RAB8B: variants seen among roughly 807,000 people sequenced by gnomAD.
RAB8B encodes the protein RAB8B, member RAS oncogene family.
Under a neutral mutation model 32.0 loss-of-function variants are expected in RAB8B, and 11 were observed. The ratio of observed to expected loss-of-function variants is 0.34; its 90% CI spans 0.22 to 0.57. The LOEUF (loss-of-function observed/expected upper bound fraction) is 0.57. Among genes scored for constraint, RAB8B ranks in the 20% least tolerant of loss-of-function variants. RAB8B has a pLI of 0.86. For missense variants in RAB8B, 190 were observed against 258.5 expected, an observed-to-expected ratio of 0.73 and a Z score of 1.82; for synonymous variants, 103 against 89.6, an observed-to-expected ratio of 1.15 and a Z score of -0.85.
rs778733798 is a variant in RAB8B at position 63,189,655 on chromosome 15, C to T, written c.31C>T (p.Leu11Phe). The T allele has an allele frequency of 6.2e-7, 1 of 1,614,024 alleles. No individual in the cohort carries two copies. The highest frequency in any genetic ancestry group is 8.5e-7 in the Non-Finnish European group (1 of 1,179,928). The change falls in exon 1 of 8, where the codon CTC (leucine) becomes TTC (phenylalanine). Residue 11 changes from leucine (L) to phenylalanine (F), a missense_variant. By Grantham distance (22) the Leu-to-Phe change is conservative. Coordinates refer to ENST00000321437, the MANE Select transcript of RAB8B (RefSeq NM_016530.3). Reference sequence around the variant, plus strand: ...GAAGACGTACGATTATCTCTTCAAGCTCCTGCTGATCGGCGACTCGGGGGT... The same window carrying T: ...GAAGACGTACGATTATCTCTTCAAGTTCCTGCTGATCGGCGACTCGGGGGT... MAKTYDYLFK[L>F]LLIGDSGVGK...
At chr15:63,222,005 A>G (rs2037848791) in intron 1 of RAB8B, among the ~76,000 whole-genome samples, 1 of 152,100 alleles carries the variant, frequency 6.6e-6, no homozygotes, top group South Asian at 2.1e-4. Flanking sequence ...TCTAATATTC[A>G]TTCTTCCCTG....
At chr15:63,198,845 C>T (rs1190127323) in intron 1 of RAB8B, among the ~76,000 whole-genome samples, 1 of 152,174 alleles carries the variant, frequency 6.6e-6, no homozygotes, top group African/African-American at 2.4e-5. Context: ...ATGGATATTG[C>T]AGCATACTCT....
chr15:63,219,427 A>G (rs1242328601), intron 1 of RAB8B, among the ~76,000 whole-genome samples: 1 of 151,600 alleles, frequency 6.6e-6, no homozygotes, highest in African/African-American at 2.4e-5. Flanking sequence ...TCATGAAGTC[A>G]ATTTACTGTG....
rs915370697 is a variant in RAB8B, at chr15:63,196,520, T to C, written c.124+6772T>C. Among the ~76,000 whole-genome samples the C allele has an allele frequency of 2.6e-5, 4 of 152,322 alleles. No homozygotes were observed. The Middle Eastern group carries it at 0.01, about 389-fold the overall frequency. On this transcript the variant is annotated intron_variant, in intron 1 of 7. Coordinates refer to ENST00000321437, the MANE Select transcript of RAB8B (RefSeq NM_016530.3). Reference sequence around the variant, plus strand: ...GAGTGTAAGAATACTGTGTCTACCTTTCAGAGTTGCTGTGAGCTCCTTAAG... The same window carrying C: ...GAGTGTAAGAATACTGTGTCTACCTCTCAGAGTTGCTGTGAGCTCCTTAAG...
At position 63,255,516 on chromosome 15, in the gene RAB8B, C is replaced by A; in HGVS notation, c.256C>A (p.Leu86Met). The change falls in exon 4 of 8, where the codon CTG (leucine) becomes ATG (methionine). Residue 86 changes from leucine (L) to methionine (M), a missense_variant. Leu to Met is a conservative substitution (Grantham distance 15, BLOSUM62 2). Transcript: ENST00000321437. ...TTTTTCCCCCTTATAGGGCATTATG[C>A]TGGTCTATGACATCACAAATGAAAA... Reference protein sequence around the residue: ...AYYRGAMGIMLVYDITNEKSF... With the variant: ...AYYRGAMGIMMVYDITNEKSF... 6.3e-7 allele frequency: 1 copy of A among 1,598,516 alleles called. No homozygotes were observed. Among genetic ancestry groups the A allele is most frequent in the Non-Finnish European group, 8.6e-7 (1 of 1,166,358 alleles).
chr15:63,222,217 C>G (rs2037850300), intron 1 of RAB8B, among the ~76,000 whole-genome samples: 1 of 152,166 alleles, frequency 6.6e-6, no homozygotes, highest in Non-Finnish European at 1.5e-5. Context: ...TGGTTCTTGT[C>G]CAGTGACTCT....
intron 1 of RAB8B, among the ~76,000 whole-genome samples, chr15:63,237,793 G>A (rs1286651197): frequency 6.6e-6 from 1 of 152,086 alleles, no homozygotes; most frequent in Non-Finnish European, 1.5e-5. Context: ...GGGTATTACT[G>A]TAGAAATATT....
Position 63,265,116 on chromosome 15 carries a change from A to C in RAB8B, c.*1497A>C, listed in dbSNP as rs1302058838. The C allele has an allele frequency of 6.5e-6, 1 of 152,672 alleles. No individual in the cohort carries two copies. Among genetic ancestry groups the C allele is most frequent in the Non-Finnish European group, 1.5e-5 (1 of 68,058 alleles). 9.5% of individuals were successfully genotyped at this position (152,672 alleles called of 1,614,324 possible). On this transcript the variant is annotated 3_prime_UTR_variant, in exon 8 of 8. Coordinates refer to ENST00000321437, the MANE Select transcript of RAB8B (RefSeq NM_016530.3). The surrounding 1 kb of genome is among the most constrained non-coding windows in gnomAD (Gnocchi z 4.9). ...AGGGAAATGAATTCTGTTAATAATT[A>C]TTCTTCCTGGTATGCCTGTTTTGCT...
chr15:63,223,611 C>G (rs1429077806), intron 1 of RAB8B, among the ~76,000 whole-genome samples: 1 of 152,110 alleles, frequency 6.6e-6, no homozygotes, highest in Non-Finnish European at 1.5e-5. Flanking sequence ...GATGTTTGCA[C>G]AAAGACGAAA....
At chr15:63,235,209 T>C (rs751924348) in intron 1 of RAB8B, among the ~76,000 whole-genome samples, 6 of 152,144 alleles carry the variant, frequency 3.9e-5, no homozygotes, top group African/African-American at 7.2e-5. Context: ...CCTTGTTCGA[T>C]ATAAAGAAGG....
chr15:63,235,582 G>C (rs1180619893), intron 1 of RAB8B, among the ~76,000 whole-genome samples: 5 of 151,294 alleles, frequency 3.3e-5, no homozygotes, highest in Non-Finnish European at 5.9e-5. Flanking sequence ...TCTCTCTAGA[G>C]GTAACATTGA....
At chr15:63,261,518 T>TA (rs924284696) in intron 6 of RAB8B, among the ~76,000 whole-genome samples, 4 of 152,136 alleles carry the variant, frequency 2.6e-5, no homozygotes, top group East Asian at 3.9e-4. Flanking sequence ...TATTCAGCCA[T>TA]AAAAAAAGAG....
intron 1 of RAB8B, among the ~76,000 whole-genome samples, chr15:63,208,981 C>T (rs2141114643): frequency 6.6e-6 from 1 of 151,462 alleles, no homozygotes; most frequent in Non-Finnish European, 1.5e-5. Context: ...CAACCTCCAC[C>T]TCCTGGGTTC....
At chr15:63,257,584 C>G (rs1478466926) in intron 5 of RAB8B, among the ~76,000 whole-genome samples, 1 of 151,822 alleles carries the variant, frequency 6.6e-6, no homozygotes, top group Non-Finnish European at 1.5e-5. Flanking sequence ...GTTTTTCAAT[C>G]TGACTGTGAA....
chr15:63,263,457 A>AT, intron 7 of RAB8B, 70 bp from the exon 8 acceptor site: 1 of 1,195,966 alleles, frequency 8.4e-7, no homozygotes, highest in South Asian at 1.2e-5. Flanking sequence ...AGTTATTTTT[A>AT]TTTTTTAGGT....
intron 1 of RAB8B, among the ~76,000 whole-genome samples, chr15:63,223,252 C>T (rs984511952): frequency 6.6e-6 from 1 of 152,078 alleles, no homozygotes; most frequent in Non-Finnish European, 1.5e-5. Flanking sequence ...GCTGGTACTA[C>T]AGGCACCTGC....
At chr15:63,247,162 A>G (rs1159783327) in intron 2 of RAB8B, among the ~76,000 whole-genome samples, 1 of 152,192 alleles carries the variant, frequency 6.6e-6, no homozygotes, top group Non-Finnish European at 1.5e-5. Context: ...TTGTATCCTC[A>G]CATGGCCCAG....
chr15:63,261,348 A>G (rs766255767), intron 6 of RAB8B, among the ~76,000 whole-genome samples: 5 of 152,204 alleles, frequency 3.3e-5, no homozygotes, highest in Non-Finnish European at 7.4e-5. Flanking sequence ...TACAGCCACT[A>G]TGGAGAACAA....
chr15:63,267,060 G>A lies in RAB8B; in HGVS notation c.*3441G>A, dbSNP rs960092112. On this transcript the variant is annotated 3_prime_UTR_variant, in exon 8 of 8. Coordinates refer to ENST00000321437, the MANE Select transcript of RAB8B (RefSeq NM_016530.3). ...TCCTTTTTCCTTGTTACATCCAAGGGGGGCACAGGGGTGGGTGGAAAGGAA... is the reference window on the plus strand; with the variant it reads ...TCCTTTTTCCTTGTTACATCCAAGGAGGGCACAGGGGTGGGTGGAAAGGAA... 6.6e-6 allele frequency: 1 copy of A among 152,284 alleles called. No homozygotes were observed. Among genetic ancestry groups the A allele is most frequent in the Non-Finnish European group, 1.5e-5 (1 of 67,982 alleles). 9.4% of individuals were successfully genotyped at this position (152,284 alleles called of 1,614,324 possible).
Sources: gnomAD v4.1 joint callset for allele counts (sites outside exome capture counted in the v4.1 genomes callset) on GRCh38, gnomAD v4.1.1 for gene constraint, Gnocchi (gnomAD v3.1) non-coding constraint, MANE v1.5 for transcripts, NCBI Gene and HGNC (gene_info 2026-07-23, HGNC 2026-07-21) for gene names.